The following KCNB2 variants were observed in gnomAD, a reference collection of about 807,000 sequenced individuals.
KCNB2 encodes the protein delayed rectifier potassium channel protein.
A neutral mutation model predicts 61.5 loss-of-function variants in KCNB2; 15 were observed. That is an observed-to-expected ratio of 0.24 (90% CI 0.16 to 0.38). KCNB2 has a LOEUF of 0.38. Among genes scored for constraint, KCNB2 ranks in the 10% least tolerant of loss-of-function variants. KCNB2 has a pLI of 1.00. For synonymous variants in KCNB2, 457 were observed against 446.0 expected, an observed-to-expected ratio of 1.02 and a Z score of -0.31; for missense variants, 828 against 1,125.2, an observed-to-expected ratio of 0.74 and a Z score of 3.78.
At chr8:72,584,223 A>T (rs1212273160) in intron 2 of KCNB2, among the ~76,000 whole-genome samples, 1 of 152,208 alleles carries the variant, frequency 6.6e-6, no homozygotes. Flanking sequence ...TTTTTAAAAA[A>T]GTCAATCAGA....
chr8:72,898,452 A>G (rs1806027916), intron 2 of KCNB2, among the ~76,000 whole-genome samples: 1 of 150,404 alleles, frequency 6.6e-6, no homozygotes, highest in African/African-American at 2.5e-5. Flanking sequence ...TTAAAAAAAG[A>G]AAAAAAAACA....
chr8:72,895,954 A>G (rs1268437957), intron 2 of KCNB2, among the ~76,000 whole-genome samples: 1 of 152,198 alleles, frequency 6.6e-6, no homozygotes, highest in Non-Finnish European at 1.5e-5. Flanking sequence ...TCTATATTTT[A>G]TAACTATTTA....
intron 2 of KCNB2, among the ~76,000 whole-genome samples, chr8:72,828,654 AT>A (rs1268325139): frequency 2.0e-5 from 3 of 152,190 alleles, no homozygotes; most frequent in Non-Finnish European, 4.4e-5. Context: ...TGCTAAAAAT[AT>A]ATTCTATTCT....
intron 2 of KCNB2, among the ~76,000 whole-genome samples, chr8:72,883,803 T>G (rs1805756600): frequency 6.6e-6 from 1 of 152,224 alleles, no homozygotes; most frequent in South Asian, 2.1e-4. Flanking sequence ...GTGAAACACA[T>G]CATGACTGAT....
chr8:72,586,603 A>G (rs1020734118), intron 2 of KCNB2, among the ~76,000 whole-genome samples: 2 of 152,214 alleles, frequency 1.3e-5, no homozygotes, highest in Admixed American at 6.5e-5. Context: ...AATACTTTTC[A>G]TGTTATCGTA....
At chr8:72,646,311 C>T (rs1033861804) in intron 2 of KCNB2, among the ~76,000 whole-genome samples, 16 of 151,812 alleles carry the variant, frequency 1.1e-4, no homozygotes, top group Non-Finnish European at 1.5e-4. Flanking sequence ...TTTTATAATC[C>T]GTATATTATG....
chr8:72,665,788 T>C lies in KCNB2; in HGVS notation c.579+97475T>C, dbSNP rs111614225. ...AAACTTAGTTCTATTCAGATGATTA[T>C]GTTCTATTCAACTGAAAAGCAACCA... On this transcript the variant is annotated intron_variant, in intron 2 of 2. Transcript: ENST00000523207. Among the ~76,000 whole-genome samples the C allele has an allele frequency of 3.3e-3, 455 of 139,210 alleles. 2 individuals are homozygous for C. The highest frequency in any genetic ancestry group is 0.011 in the African/African-American group (433 of 38,642). The allele number at this position is 139,210 out of a possible 152,430, so 91.3% of individuals were successfully genotyped here. A position where few individuals can be genotyped will look rare whatever the true frequency, so the allele number is the denominator to read the frequency against.
At chr8:72,801,389 CT>C (rs1809123404) in intron 2 of KCNB2, among the ~76,000 whole-genome samples, 1 of 152,190 alleles carries the variant, frequency 6.6e-6, no homozygotes, top group South Asian at 2.1e-4. Context: ...GGTGAGCCCC[CT>C]TGGGAAAATG....
At chr8:72,825,401 G>C (rs776891426) in intron 2 of KCNB2, among the ~76,000 whole-genome samples, 2 of 152,024 alleles carry the variant, frequency 1.3e-5, no homozygotes, top group Non-Finnish European at 2.9e-5. Flanking sequence ...AGTTCTTTTG[G>C]GTATTTATCC....
intron 2 of KCNB2, among the ~76,000 whole-genome samples, chr8:72,892,941 A>G (rs1393061909): frequency 6.6e-6 from 1 of 152,172 alleles, no homozygotes; most frequent in African/African-American, 2.4e-5. Context: ...TTCAGAAACT[A>G]TGAGCTTTGC....
chr8:72,609,872 C>T (rs576873518), intron 2 of KCNB2, among the ~76,000 whole-genome samples: 7 of 152,202 alleles, frequency 4.6e-5, no homozygotes, highest in African/African-American at 1.7e-4. Flanking sequence ...CTGCGCAGAC[C>T]CAGGACGTCG....
At chr8:72,717,186 T>C (rs1191090462) in intron 2 of KCNB2, among the ~76,000 whole-genome samples, 2 of 152,180 alleles carry the variant, frequency 1.3e-5, no homozygotes, top group Admixed American at 1.3e-4. Context: ...TGGAAGAACA[T>C]TCCATGCTCA....
chr8:72,923,621 G>A (rs1463340097), intron 2 of KCNB2, among the ~76,000 whole-genome samples: 1 of 152,034 alleles, frequency 6.6e-6, no homozygotes, highest in East Asian at 1.9e-4. Flanking sequence ...AAGGAGTGGG[G>A]GTGGTCCATT....
chr8:72,759,219 C>T (rs775360618), intron 2 of KCNB2, among the ~76,000 whole-genome samples: 1 of 152,178 alleles, frequency 6.6e-6, no homozygotes, highest in Non-Finnish European at 1.5e-5. Flanking sequence ...GAAAAAAATT[C>T]GTTCTTGGCT....
intron 2 of KCNB2, among the ~76,000 whole-genome samples, chr8:72,652,569 C>T (rs1275242765): frequency 1.3e-5 from 2 of 152,102 alleles, no homozygotes; most frequent in African/African-American, 4.8e-5. Flanking sequence ...TTTCCATGAT[C>T]TATAAATCTC....
At chr8:72,872,399 G>C (rs1381333447) in intron 2 of KCNB2, among the ~76,000 whole-genome samples, 1 of 152,170 alleles carries the variant, frequency 6.6e-6, no homozygotes, top group Non-Finnish European at 1.5e-5. Flanking sequence ...GGCTTTCTTT[G>C]ATGTGGTCTT....
chr8:72,686,985 A>T (rs371649609), intron 2 of KCNB2, among the ~76,000 whole-genome samples: 101 of 152,340 alleles, frequency 6.6e-4, no homozygotes, highest in African/African-American at 2.3e-3. Flanking sequence ...GAGAAATCTG[A>T]TTCACAGGAG....
intron 1 of KCNB2, among the ~76,000 whole-genome samples, chr8:72,544,081 TCAGA>T (rs902155818): frequency 3.3e-5 from 5 of 152,196 alleles, no homozygotes; most frequent in African/African-American, 1.2e-4. Context: ...CGTGGGATAG[TCAGA>T]CAGGACTTCA....
chr8:72,716,425 C>T (rs1008452204), intron 2 of KCNB2, among the ~76,000 whole-genome samples: 1 of 152,142 alleles, frequency 6.6e-6, no homozygotes, highest in African/African-American at 2.4e-5. Context: ...AAAATATTGG[C>T]AAGCCGAATC....
Sources: allele counts gnomAD v4.1 joint callset (sites outside exome capture counted in the v4.1 genomes callset), GRCh38; gene constraint gnomAD v4.1.1; transcripts MANE v1.5; gene names NCBI Gene and HGNC (gene_info 2026-07-23, HGNC 2026-07-21).